The following NRG1 variants were observed in gnomAD, a reference collection of about 807,000 sequenced individuals.
The protein encoded by NRG1 is pro-neuregulin-1, membrane-bound isoform.
Under a neutral mutation model 63.8 loss-of-function variants are expected in NRG1, and 18 were observed. The ratio of observed to expected loss-of-function variants is 0.28; its 90% CI spans 0.19 to 0.42. The LOEUF is 0.42. Among genes scored for constraint, NRG1 ranks in the 10% least tolerant of loss-of-function variants. NRG1 has a pLI of 1.00. For missense variants in NRG1, 762 were observed against 814.7 expected (o/e 0.94, Z 0.79); for synonymous variants, 302 against 301.3 (o/e 1.00, Z -0.02).
chr8:32,496,678 C>G (rs1017891225), intron 1 of NRG1, among the ~76,000 whole-genome samples: 8 of 152,042 alleles, frequency 5.3e-5, no homozygotes, highest in Admixed American at 3.9e-4. Flanking sequence ...TAGGGCTTGT[C>G]TTTCATTTGA....
intron 1 of NRG1, among the ~76,000 whole-genome samples, chr8:32,493,870 G>A (rs1374487526): frequency 1.3e-5 from 2 of 152,126 alleles, no homozygotes; most frequent in East Asian, 1.9e-4. Flanking sequence ...AGAATTTAAG[G>A]TTCCTTCTAA....
At chr8:32,570,541 A>G (rs561921620) in intron 1 of NRG1, among the ~76,000 whole-genome samples, 19 of 152,274 alleles carry the variant, frequency 1.2e-4, no homozygotes, top group Admixed American at 5.9e-4. Flanking sequence ...AACTTCATCA[A>G]GTTCATCAGA....
At chr8:32,253,119 T>C (rs1302415313) in intron 1 of NRG1, among the ~76,000 whole-genome samples, 1 of 152,226 alleles carries the variant, frequency 6.6e-6, no homozygotes, top group Non-Finnish European at 1.5e-5. Flanking sequence ...GTTTTCTAAA[T>C]GTACAATCAT....
chr8:32,410,228 T>C (rs1238876896), intron 1 of NRG1, among the ~76,000 whole-genome samples: 4 of 138,328 alleles, frequency 2.9e-5, no homozygotes, highest in African/African-American at 1.1e-4. Flanking sequence ...TCACCTAGAC[T>C]GGAGTGCAGT....
At chr8:32,057,974 A>C (rs548599719) in intron 1 of NRG1, among the ~76,000 whole-genome samples, 2 of 152,248 alleles carry the variant, frequency 1.3e-5, no homozygotes, top group East Asian at 3.9e-4. Flanking sequence ...TCTATCTCAA[A>C]ATAGCTAAAA....
intron 5 of NRG1, among the ~76,000 whole-genome samples, chr8:32,680,493 C>T (rs1808320737): frequency 6.6e-6 from 1 of 152,022 alleles, no homozygotes; most frequent in Non-Finnish European, 1.5e-5. Context: ...TCCAGTTTGC[C>T]CGTGTGAGAA....
At position 32,515,428 on chromosome 8, in the gene NRG1, A is replaced by C. The variant is rs190788405; in HGVS notation, c.38-80400A>C. 2.5e-3 allele frequency among the ~76,000 whole-genome samples: 380 copies of C among 150,622 alleles called. 2 individuals are homozygous for C. Among genetic ancestry groups the C allele is most frequent in the African/African-American group, 8.6e-3 (351 of 41,044 alleles). On this transcript the variant is annotated intron_variant, in intron 1 of 10. Transcript: ENST00000519301. ...TTCTTTTGAGAAGAAGTGTCTGTTC[A>C]TGTCCTTTGCCCAGTTTTTTTGTTT...
intron 5 of NRG1, among the ~76,000 whole-genome samples, chr8:32,674,891 C>T (rs923989528): frequency 3.3e-5 from 5 of 152,174 alleles, no homozygotes; most frequent in Non-Finnish European, 7.3e-5. Context: ...GCCCAAGTCT[C>T]CTTCTGAATC....
rs1406139599 is a variant in NRG1, at chr8:32,492,763, C to G, written c.38-103065C>G. 6.6e-5 allele frequency among the ~76,000 whole-genome samples: 10 copies of G among 152,226 alleles called. No individual in the cohort carries two copies. In the East Asian group the frequency reaches 1.7e-3, roughly 26 times the overall value. On this transcript the variant is annotated intron_variant, in intron 1 of 10. Transcript: ENST00000519301. ...GGAAACCTTTAGTATTCTTTGTACTCTCACAGTCCTAGTTTCTCAGAACTG... is the reference window on the plus strand; with the variant it reads ...GGAAACCTTTAGTATTCTTTGTACTGTCACAGTCCTAGTTTCTCAGAACTG...
chr8:32,590,582 A>G (rs1399461619), intron 1 of NRG1, among the ~76,000 whole-genome samples: 1 of 152,172 alleles, frequency 6.6e-6, no homozygotes, highest in Non-Finnish European at 1.5e-5. Context: ...ACAAGAATTG[A>G]CCCTAAGTTT....
chr8:31,776,842 T>C (rs1586331979), intron 1 of NRG1, among the ~76,000 whole-genome samples: 1 of 152,240 alleles, frequency 6.6e-6, no homozygotes, highest in East Asian at 1.9e-4. Context: ...TCCAGCTTCA[T>C]CCATGTCCCT....
At chr8:32,407,806 A>G (rs771416922) in intron 1 of NRG1, among the ~76,000 whole-genome samples, 3 of 152,210 alleles carry the variant, frequency 2.0e-5, no homozygotes, top group Non-Finnish European at 2.9e-5. Flanking sequence ...TAGAAGCACT[A>G]TGATTTTTTA....
chr8:31,892,686 A>G (rs1211835182), intron 1 of NRG1, among the ~76,000 whole-genome samples: 1 of 152,006 alleles, frequency 6.6e-6, no homozygotes, highest in African/African-American at 2.4e-5. Context: ...GCTGTATATC[A>G]CGTTGGCCAT....
intron 1 of NRG1, among the ~76,000 whole-genome samples, chr8:32,261,999 C>G (rs1850430493): frequency 6.6e-6 from 1 of 152,062 alleles, no homozygotes; most frequent in Admixed American, 6.6e-5. Context: ...GAATTCAAAC[C>G]CTAGATCTGC....
rs532009896 is a variant in NRG1, at chr8:31,689,197, C to G, written c.37+49766C>G. 3.9e-5 allele frequency among the ~76,000 whole-genome samples: 6 copies of G among 152,270 alleles called. No individual in the cohort carries two copies. In the East Asian group the frequency reaches 9.7e-4, roughly 25 times the overall value. On this transcript the variant is annotated intron_variant, in intron 1 of 10. Transcript: ENST00000519301. ...CAATCTAAATTCCATATGCACCTTT[C>G]TTACCACTTGCCATGTAACATAACA...
At chr8:32,763,866 A>C in exon 12 of NRG1, 12 of 1,613,988 alleles carry the variant, frequency 7.4e-6, no homozygotes, top group Non-Finnish European at 9.3e-6. Flanking sequence ...GACGGTGTCC[A>C]TGCCTTCCAT....
chr8:32,067,619 C>T (rs1825071198), intron 1 of NRG1, among the ~76,000 whole-genome samples: 3 of 151,844 alleles, frequency 2.0e-5, no homozygotes, highest in South Asian at 4.2e-4. Flanking sequence ...AATTTTTGAC[C>T]CTGAGAGTGA....
intron 1 of NRG1, among the ~76,000 whole-genome samples, chr8:31,708,842 T>C (rs1348864303): frequency 6.6e-6 from 1 of 151,906 alleles, no homozygotes; most frequent in Non-Finnish European, 1.5e-5. Flanking sequence ...CCTTGAACAA[T>C]GGGGTTAGAG....
At chr8:32,363,472 G>A (rs55986591) in intron 1 of NRG1, among the ~76,000 whole-genome samples, 5 of 151,932 alleles carry the variant, frequency 3.3e-5, no homozygotes, top group Admixed American at 1.3e-4. Context: ...TTTCTCTAAC[G>A]GGAGTATGAT....
Sources: gnomAD v4.1 joint callset for allele counts (sites outside exome capture counted in the v4.1 genomes callset) on GRCh38, gnomAD v4.1.1 for gene constraint, MANE v1.5 for transcripts, NCBI Gene and HGNC (gene_info 2026-07-23, HGNC 2026-07-21) for gene names.